The following TRIP12 variants were observed in gnomAD, a reference collection of about 807,000 sequenced individuals.
TRIP12 encodes the protein E3 ubiquitin-protein ligase TRIP12.
Under a neutral mutation model 244.2 loss-of-function variants are expected in TRIP12, and 25 were observed. The ratio of observed to expected loss-of-function variants is 0.10; its 90% confidence interval spans 0.07 to 0.14. The LOEUF is 0.14. Ranked by LOEUF, TRIP12 falls within the 10% of genes least tolerant of loss-of-function variation. TRIP12 has a pLI of 1.00. For synonymous variants in TRIP12, 905 were observed against 873.1 expected (o/e 1.04, Z -0.64); for missense variants, 1,677 against 2,486.4 (o/e 0.67, Z 6.92).
Position 229,813,891 on chromosome 2 carries a change from T to A in TRIP12, c.1965A>T (p.Leu655=), listed in dbSNP as rs1416158621. The part of the protein sequence containing the change: ...FHFVADSLPL[L]TQRLTHQDKK... ...TTACCTGATGTGTTAGCCTTTGGGTTAGCAATGGGAGTGAATCTGCCACAA... is the reference window on the plus strand; with the variant it reads ...TTACCTGATGTGTTAGCCTTTGGGTAAGCAATGGGAGTGAATCTGCCACAA... Residue 655 remains leucine, a synonymous_variant, in exon 13 of 42, where the codon CTA becomes CTT. Transcript: ENST00000675903. The A allele has an allele frequency of 6.4e-7, 1 of 1,562,378 alleles. No homozygotes were observed.
intron 2 of TRIP12, among the ~76,000 whole-genome samples, chr2:229,878,959 T>C (rs2064242915): frequency 6.6e-6 from 1 of 151,874 alleles, no homozygotes; most frequent in Non-Finnish European, 1.5e-5. Context: ...GATAATCCTA[T>C]TAGAATTCAG....
intron 39 of TRIP12, among the ~76,000 whole-genome samples, chr2:229,769,905 CT>C (rs2033562305): frequency 6.6e-6 from 1 of 152,112 alleles, no homozygotes; most frequent in African/African-American, 2.4e-5. Context: ...CTTTCATGTC[CT>C]TATACTTTGA....
intron 1 of TRIP12, among the ~76,000 whole-genome samples, chr2:229,891,527 AG>A (rs1213212377): frequency 1.3e-5 from 2 of 152,258 alleles, no homozygotes; most frequent in Admixed American, 6.5e-5. Context: ...GCTTGAGCCC[AG>A]GAAGTCAAGG....
At chr2:229,849,766 G>A (rs371413386) in intron 4 of TRIP12, among the ~76,000 whole-genome samples, 12 of 152,096 alleles carry the variant, frequency 7.9e-5, no homozygotes, top group African/African-American at 2.2e-4. Context: ...CCAGCTACCC[G>A]GGATGCTGAG....
intron 9 of TRIP12, among the ~76,000 whole-genome samples, chr2:229,817,455 G>A (rs2048782411): frequency 6.6e-6 from 1 of 152,004 alleles, no homozygotes; most frequent in East Asian, 1.9e-4. Context: ...TTTGATAATG[G>A]CAATTTTTCT....
At position 229,830,925 on chromosome 2, in the gene TRIP12, G is replaced by C; in HGVS notation, c.1271-86C>G. ...TACCTTAGAAAAACCAAAGTTTTGCGGACTACAATTGAATAAAGGCAATTA... is the reference window on the plus strand; with the variant it reads ...TACCTTAGAAAAACCAAAGTTTTGCCGACTACAATTGAATAAAGGCAATTA... On this transcript the variant is annotated intron_variant, in intron 6 of 41. Transcript: ENST00000675903. 4 of 1,182,762 alleles carry C rather than the reference G, an allele frequency of 3.4e-6. No homozygotes were observed. The South Asian group carries it at 5.1e-5, about 15-fold the overall frequency. The allele number at this position is 1,182,762 out of a possible 1,614,324, so 73.3% of individuals were successfully genotyped here. A position where few individuals can be genotyped will look rare whatever the true frequency, so the allele number is the denominator to read the frequency against.
At chr2:229,795,456 G>A in intron 25 of TRIP12, 126 bp from the exon 26 acceptor site, 8 of 1,160,294 alleles carry the variant, frequency 6.9e-6, no homozygotes, top group Non-Finnish European at 9.4e-6. Context: ...TATCTTTTAT[G>A]GCAGATTTGG....
chr2:229,818,487 T>C lies in TRIP12; in HGVS notation c.1476A>G (p.Gln492=), dbSNP rs201891008. 569 of 1,614,142 alleles carry C rather than the reference T, an allele frequency of 3.5e-4. 8 individuals carry two copies. In the South Asian group the frequency reaches 5.9e-3, roughly 17 times the overall value. Reference sequence around the variant, plus strand: ...GACTTTCATCACTGGCTTGCAATCCTTGTAGTAGCTGCTGGGCCTTAGAAC... The same window carrying C: ...GACTTTCATCACTGGCTTGCAATCCCTGTAGTAGCTGCTGGGCCTTAGAAC... ...GASSKAQQLL[Q]GLQASDESQQ... Residue 492 remains glutamine (Q), a synonymous_variant, in exon 9 of 42, where the codon CAA becomes CAG. Coordinates refer to ENST00000675903, the MANE Select transcript of TRIP12 (RefSeq NM_001348323.3).
chr2:229,922,652 C>T, upstream of TRIP12: 1 of 1,601,752 alleles, frequency 6.2e-7, no homozygotes, highest in Non-Finnish European at 8.5e-7. Flanking sequence ...AACTCCCTAC[C>T]TGGCCCGGTT....
At chr2:229,850,616 G>A (rs760153731) in intron 4 of TRIP12, among the ~76,000 whole-genome samples, 24 of 152,218 alleles carry the variant, frequency 1.6e-4, no homozygotes, top group Non-Finnish European at 2.5e-4. Flanking sequence ...CAACTTTGGC[G>A]GCACCTGAGG....
chr2:229,777,147 A>G (rs1027406113), intron 37 of TRIP12, among the ~76,000 whole-genome samples, 168 bp downstream of exon 37: 2 of 152,242 alleles, frequency 1.3e-5, no homozygotes, highest in African/African-American at 4.8e-5. Flanking sequence ...AGTATAGGTC[A>G]TGTGACCCAC....
chr2:229,904,003 T>C (rs916583303), intron 1 of TRIP12, among the ~76,000 whole-genome samples: 12 of 151,688 alleles, frequency 7.9e-5, no homozygotes, highest in South Asian at 2.1e-4. Flanking sequence ...GCCACTGCAC[T>C]CCCGCCTGGG....
intron 26 of TRIP12, 24 bp from the exon 27 acceptor site, chr2:229,793,169 AG>A (rs759686265): frequency 6.3e-7 from 1 of 1,599,584 alleles, no homozygotes; most frequent in South Asian, 1.1e-5. Flanking sequence ...GTGAAAAAAA[AG>A]TTAGTCTATT....
At chr2:229,789,796 A>T (rs766620038) in intron 30 of TRIP12, 34 bp from the exon 31 acceptor site, 11 of 1,610,644 alleles carry the variant, frequency 6.8e-6, no homozygotes, top group African/African-American at 1.3e-5. Context: ...AGTTTTGATC[A>T]AAGTTAGAAA....
At chr2:229,857,443 A>C (rs947156046) in intron 4 of TRIP12, among the ~76,000 whole-genome samples, 1 of 152,152 alleles carries the variant, frequency 6.6e-6, no homozygotes, top group Non-Finnish European at 1.5e-5. Flanking sequence ...AGCCTGACCA[A>C]CATGGTGAAA....
intron 34 of TRIP12, among the ~76,000 whole-genome samples, chr2:229,779,452 T>C (rs2037370552): frequency 6.6e-6 from 1 of 152,242 alleles, no homozygotes; most frequent in Admixed American, 6.5e-5. Context: ...CTTAAATACT[T>C]ACTACATGAC....
intron 27 of TRIP12, 44 bp from the exon 28 acceptor site, chr2:229,792,270 G>GT (rs2041730053): frequency 6.5e-7 from 1 of 1,532,870 alleles, no homozygotes; most frequent in Non-Finnish European, 8.9e-7. Flanking sequence ...GATTTTAGGT[G>GT]TAAAAAAAAA....
At chr2:229,896,786 A>G (rs558301962) in intron 1 of TRIP12, among the ~76,000 whole-genome samples, 3 of 152,316 alleles carry the variant, frequency 2.0e-5, no homozygotes, top group African/African-American at 7.2e-5. Flanking sequence ...AAAATACCAT[A>G]CAAACACTAG....
chr2:229,846,721 C>G (rs2154319264), intron 4 of TRIP12, among the ~76,000 whole-genome samples: 1 of 152,232 alleles, frequency 6.6e-6, no homozygotes, highest in East Asian at 1.9e-4. Flanking sequence ...GAATCACAGA[C>G]TTTTATTTTA....
Sources: gnomAD v4.1 joint callset for allele counts (sites outside exome capture counted in the v4.1 genomes callset) on GRCh38, gnomAD v4.1.1 for gene constraint, MANE v1.5 for transcripts, NCBI Gene and HGNC (gene_info 2026-07-23, HGNC 2026-07-21) for gene names.